Variants in CCDC178 observed in about 807,000 individuals in gnomAD.
CCDC178 encodes the protein coiled-coil domain-containing protein 178.
CCDC178 carries 126 observed loss-of-function variants against 117.4 expected under a neutral mutation model. The observed-to-expected ratio is 1.07, with a 90% CI of 0.93 to 1.24. The LOEUF (loss-of-function observed/expected upper bound fraction) is 1.24, where lower values mean the gene tolerates loss of function less well. Among genes scored for constraint, CCDC178 ranks in the 50% most tolerant of loss-of-function variants. CCDC178 has a pLI of 0.00. For missense variants in CCDC178, 1,030 were observed against 986.9 expected, an observed-to-expected ratio of 1.04 and a Z score of -0.59; for synonymous variants, 283 against 313.4, an observed-to-expected ratio of 0.90 and a Z score of 1.02.
intron 15 of CCDC178, 95 bp from the exon 16 acceptor site, chr18:33,226,950 G>GTC (rs2059310300): frequency 2.0e-6 from 1 of 498,954 alleles, no homozygotes; most frequent in Admixed American, 3.6e-5. Flanking sequence ...CATTTTTAAT[G>GTC]TTTCAATATA....
intron 20 of CCDC178, among the ~76,000 whole-genome samples, chr18:33,101,547 G>A (rs1407903771): frequency 2.6e-5 from 4 of 151,864 alleles, no homozygotes; most frequent in South Asian, 2.1e-4. Context: ...ACTGCACATC[G>A]AGTGGGTGAT....
chr18:33,435,684 T>TAATAATAATATTATTATAATAC (rs2064279233), intron 2 of CCDC178, among the ~76,000 whole-genome samples: 1 of 143,782 alleles, frequency 7.0e-6, no homozygotes, highest in Non-Finnish European at 1.5e-5. Flanking sequence ...ACATTATTTA[T>TAATAATAATATTATTATAATAC]AATAATAATA....
At chr18:32,967,606 CTG>C (rs1186339937) in intron 22 of CCDC178, among the ~76,000 whole-genome samples, 2 of 151,414 alleles carry the variant, frequency 1.3e-5, no homozygotes, top group Non-Finnish European at 3.0e-5. Flanking sequence ...TAACTTTAAA[CTG>C]TGCAATAAAA....
At chr18:32,965,506 T>C (rs950714430) in intron 22 of CCDC178, among the ~76,000 whole-genome samples, 1 of 151,992 alleles carries the variant, frequency 6.6e-6, no homozygotes, top group African/African-American at 2.4e-5. Context: ...TGTTTATTTA[T>C]GTCTTCATAT....
At chr18:33,241,216 A>G (rs1353780328) in intron 15 of CCDC178, among the ~76,000 whole-genome samples, 1 of 151,918 alleles carries the variant, frequency 6.6e-6, no homozygotes, top group Non-Finnish European at 1.5e-5. Flanking sequence ...AGGTCCATAT[A>G]TGACAAACCC....
intron 12 of CCDC178, among the ~76,000 whole-genome samples, chr18:33,276,789 A>C (rs1272167462): frequency 6.6e-6 from 1 of 152,160 alleles, no homozygotes; most frequent in African/African-American, 2.4e-5. Context: ...ATTTATTCCA[A>C]CAATTCAAGG....
At chr18:33,120,136 T>C (rs1429998689) in intron 20 of CCDC178, among the ~76,000 whole-genome samples, 1 of 151,864 alleles carries the variant, frequency 6.6e-6, no homozygotes, top group Non-Finnish European at 1.5e-5. Context: ...TATACATATG[T>C]AACAAACCTG....
At chr18:33,394,505 T>A (rs981898728) in intron 4 of CCDC178, among the ~76,000 whole-genome samples, 3 of 151,818 alleles carry the variant, frequency 2.0e-5, no homozygotes, top group Admixed American at 6.6e-5. Flanking sequence ...TTCTTGTAAG[T>A]ATGGAAAGCT....
chr18:33,154,008 ATT>A (rs1371614916), intron 20 of CCDC178, among the ~76,000 whole-genome samples: 3 of 152,156 alleles, frequency 2.0e-5, no homozygotes, highest in Admixed American at 2.0e-4. Flanking sequence ...AACTTAAAAT[ATT>A]TTAAAAATTT....
intron 11 of CCDC178, among the ~76,000 whole-genome samples, chr18:33,297,185 AAAG>A (rs2062116506): frequency 6.6e-6 from 1 of 152,154 alleles, no homozygotes; most frequent in East Asian, 1.9e-4. Flanking sequence ...GGACACATAA[AAAG>A]AAGTATTAAG....
intron 21 of CCDC178, among the ~76,000 whole-genome samples, chr18:33,046,023 G>A (rs1455077716): frequency 2.6e-5 from 4 of 152,204 alleles, no homozygotes; most frequent in South Asian, 2.1e-4. Flanking sequence ...AGCCAAGATC[G>A]TGCCATTGCA....
At chr18:33,340,934 C>G (rs985754206) in intron 9 of CCDC178, among the ~76,000 whole-genome samples, 10 of 152,134 alleles carry the variant, frequency 6.6e-5, no homozygotes, top group Non-Finnish European at 1.3e-4. Flanking sequence ...GGGGCACTGC[C>G]CAGTGGAGCT....
chr18:33,172,463 G>C (rs1314231908), intron 20 of CCDC178, among the ~76,000 whole-genome samples: 1 of 151,818 alleles, frequency 6.6e-6, no homozygotes, highest in African/African-American at 2.4e-5. Flanking sequence ...AAGATAGCTT[G>C]AATCAAAGCT....
chr18:33,060,877 G>C (rs929110672), intron 21 of CCDC178, among the ~76,000 whole-genome samples: 1 of 151,974 alleles, frequency 6.6e-6, no homozygotes, highest in African/African-American at 2.4e-5. Context: ...AAGCAAGAAA[G>C]AACAAAATAT....
At chr18:33,245,524 T>A in intron 14 of CCDC178, 96 bp from the exon 15 acceptor site, 1 of 1,198,774 alleles carries the variant, frequency 8.3e-7, no homozygotes, top group Non-Finnish European at 1.1e-6. Flanking sequence ...TTTTATGTTG[T>A]CAAAAATACA....
At chr18:33,357,964 TA>T (rs71159823) in intron 6 of CCDC178, among the ~76,000 whole-genome samples, 63,898 of 151,518 alleles carry the variant, frequency 0.42, 14,995 homozygotes, top group African/African-American at 0.64. Flanking sequence ...GCGAACATCA[TA>T]AGAGTATATT....
chr18:33,157,050 A>G (rs577722709), intron 20 of CCDC178, among the ~76,000 whole-genome samples: 4 of 152,356 alleles, frequency 2.6e-5, no homozygotes, highest in South Asian at 2.1e-4. Context: ...CAATAAATCA[A>G]TATGATGGCT....
chr18:32,948,424 C>T (rs145586563), intron 22 of CCDC178, among the ~76,000 whole-genome samples: 27 of 152,166 alleles, frequency 1.8e-4, no homozygotes, highest in East Asian at 1.9e-4. Flanking sequence ...AATTACTTCA[C>T]ATTTTTGATG....
chr18:32,945,221 T>C (rs1364334707), intron 22 of CCDC178, among the ~76,000 whole-genome samples: 1 of 152,192 alleles, frequency 6.6e-6, no homozygotes, highest in Non-Finnish European at 1.5e-5. Context: ...TTAGACCTCA[T>C]TATGACTGGG....
Sources: allele counts gnomAD v4.1 joint callset (sites outside exome capture counted in the v4.1 genomes callset), GRCh38; gene constraint gnomAD v4.1.1; transcripts MANE v1.5; gene names NCBI Gene and HGNC (gene_info 2026-07-23, HGNC 2026-07-21).